Variants in TMEM117 observed in about 807,000 individuals in gnomAD.
The protein encoded by TMEM117 is transmembrane protein 117.
In TMEM117, 27 loss-of-function variants were observed where a neutral mutation model predicts 52.4. The observed-to-expected ratio is 0.51, with a 90% confidence interval of 0.38 to 0.71. The LOEUF is 0.71. TMEM117 is among the 30% of genes least tolerant of loss of function. The pLI, the probability that TMEM117 is intolerant of heterozygous loss-of-function variation, is 0.00. For missense variants in TMEM117, 556 were observed against 630.5 expected (o/e 0.88, Z 1.26); for synonymous variants, 215 against 206.3 (o/e 1.04, Z -0.36).
chr12:44,177,967 C>A (rs1949139002), intron 4 of TMEM117, among the ~76,000 whole-genome samples: 1 of 152,078 alleles, frequency 6.6e-6, no homozygotes, highest in South Asian at 2.1e-4. Flanking sequence ...TGAAGTTATA[C>A]CAAAACTTAC....
chr12:44,146,312 G>A (rs1419656668), intron 4 of TMEM117, among the ~76,000 whole-genome samples: 1 of 152,114 alleles, frequency 6.6e-6, no homozygotes, highest in Non-Finnish European at 1.5e-5. Context: ...TAGCTAACCT[G>A]ATAACTTCAC....
intron 3 of TMEM117, among the ~76,000 whole-genome samples, chr12:44,116,780 C>G (rs149713572): frequency 6.6e-5 from 10 of 152,302 alleles, no homozygotes; most frequent in African/African-American, 2.2e-4. Context: ...TCTTACCATC[C>G]TCATCCTACA....
chr12:44,186,993 G>A (rs1053630374), intron 4 of TMEM117, among the ~76,000 whole-genome samples: 5 of 152,090 alleles, frequency 3.3e-5, no homozygotes, highest in African/African-American at 1.2e-4. Flanking sequence ...TCAACAGTGG[G>A]AGAACCTGGG....
chr12:43,808,572 G>A, the TMEM117 span, among the ~76,000 whole-genome samples: 1 of 152,050 alleles, frequency 6.6e-6, no homozygotes, highest in South Asian at 2.1e-4. Context: ...TGCTTATGGG[G>A]TCAGTTAAAT....
rs1021785174 is a variant in TMEM117 at position 43,866,008 on chromosome 12, A to C, written c.277+21080A>C. On this transcript the variant is annotated intron_variant, in intron 2 of 7. Transcript: ENST00000266534. The stretch of plus-strand genomic sequence containing the variant: ...AGTCCAGAGAAAAAGTAGTTAATAG[A>C]AACAGCACTTAGATGATCCAGAAGC... Among the ~76,000 whole-genome samples the C allele has an allele frequency of 5.9e-4, 90 of 152,020 alleles. 5 individuals are homozygous for C. The highest frequency in any genetic ancestry group is 2.1e-3 in the African/African-American group (88 of 41,274).
At chr12:43,888,490 GT>G (rs958323275) in intron 2 of TMEM117, among the ~76,000 whole-genome samples, 18 of 151,044 alleles carry the variant, frequency 1.2e-4, no homozygotes, top group African/African-American at 4.4e-4. Context: ...ATGGAGAGAA[GT>G]TAGGGGATAT....
intron 5 of TMEM117, among the ~76,000 whole-genome samples, chr12:44,256,200 G>A (rs1404384127): frequency 1.3e-5 from 2 of 151,568 alleles, no homozygotes; most frequent in Admixed American, 6.6e-5. Flanking sequence ...ATAAATTTAT[G>A]TATACTTAAA....
intron 6 of TMEM117, among the ~76,000 whole-genome samples, chr12:44,359,973 A>G (rs913223332): frequency 6.6e-6 from 1 of 152,164 alleles, no homozygotes; most frequent in African/African-American, 2.4e-5. Flanking sequence ...AACCAGATTA[A>G]AAATAAAAAG....
intron 2 of TMEM117, among the ~76,000 whole-genome samples, chr12:43,931,682 G>A (rs1007207099): frequency 6.6e-6 from 1 of 152,168 alleles, no homozygotes; most frequent in Non-Finnish European, 1.5e-5. Flanking sequence ...ACTCATGGTA[G>A]CACTTCTTTT....
At chr12:43,919,197 C>T (rs12369569) in intron 2 of TMEM117, among the ~76,000 whole-genome samples, 26,249 of 152,080 alleles carry the variant, frequency 0.17, 3,468 homozygotes, top group African/African-American at 0.36. Context: ...GTGTACAATA[C>T]GTTATTGTTG....
chr12:44,232,495 A>G (rs564841210), intron 5 of TMEM117, among the ~76,000 whole-genome samples: 2 of 151,480 alleles, frequency 1.3e-5, no homozygotes, highest in Non-Finnish European at 3.0e-5. Context: ...CTGCACATTT[A>G]TTATTGATAT....
chr12:43,802,536 A>C, the TMEM117 span: 1 of 1,078,358 alleles, frequency 9.3e-7, no homozygotes, highest in South Asian at 1.5e-5. Context: ...TGAAGACTAG[A>C]AAAATAAATA....
At chr12:44,233,027 G>A (rs1949951987) in intron 5 of TMEM117, among the ~76,000 whole-genome samples, 1 of 151,066 alleles carries the variant, frequency 6.6e-6, no homozygotes, top group Admixed American at 6.6e-5. Flanking sequence ...TGATTTATAT[G>A]CAGTTTATTT....
At chr12:44,128,445 T>A (rs1750238080) in intron 3 of TMEM117, among the ~76,000 whole-genome samples, 1 of 152,242 alleles carries the variant, frequency 6.6e-6, no homozygotes, top group South Asian at 2.1e-4. Flanking sequence ...AATGAGTATG[T>A]CTTATTCATC....
At chr12:44,345,590 A>G (rs956056140) in intron 6 of TMEM117, among the ~76,000 whole-genome samples, 1 of 152,158 alleles carries the variant, frequency 6.6e-6, no homozygotes, top group Non-Finnish European at 1.5e-5. Context: ...ATCTGTTATT[A>G]CTATAATCAG....
chr12:44,314,101 T>C (rs1162508884), intron 6 of TMEM117, among the ~76,000 whole-genome samples: 11 of 152,210 alleles, frequency 7.2e-5, no homozygotes, highest in Non-Finnish European at 1.5e-4. Flanking sequence ...ATTCTTTCTC[T>C]TGCCTGATTG....
intron 3 of TMEM117, among the ~76,000 whole-genome samples, chr12:44,062,022 A>G (rs1277221951): frequency 6.6e-6 from 1 of 152,186 alleles, no homozygotes; most frequent in African/African-American, 2.4e-5. Flanking sequence ...ACTCAAGATG[A>G]GGAATTATGC....
chr12:44,306,412 G>A (rs1378180551), intron 6 of TMEM117, among the ~76,000 whole-genome samples: 1 of 151,986 alleles, frequency 6.6e-6, no homozygotes, highest in Non-Finnish European at 1.5e-5. Context: ...ATATGTGCAG[G>A]TGTGTGTGTA....
intron 3 of TMEM117, among the ~76,000 whole-genome samples, chr12:44,050,581 C>A (rs933593751): frequency 6.6e-6 from 1 of 152,180 alleles, no homozygotes; most frequent in Non-Finnish European, 1.5e-5. Flanking sequence ...CATCAGCTCT[C>A]TCGACTCTGC....
Sources: gnomAD v4.1 joint callset for allele counts (sites outside exome capture counted in the v4.1 genomes callset) on GRCh38, gnomAD v4.1.1 for gene constraint, MANE v1.5 for transcripts, NCBI Gene and HGNC (gene_info 2026-07-23, HGNC 2026-07-21) for gene names.